PAK1: variants seen among roughly 807,000 people sequenced by gnomAD.
PAK1 encodes p21 (RAC1) activated kinase 1.
PAK1 carries 29 observed loss-of-function variants against 67.4 expected under a neutral mutation model. The ratio of observed to expected loss-of-function variants is 0.43; its 90% confidence interval spans 0.32 to 0.59. PAK1 has a LOEUF of 0.59. Ranked by LOEUF, PAK1 falls within the 20% of genes least tolerant of loss-of-function variation. The pLI is 0.07. For missense variants in PAK1, 337 were observed against 670.7 expected, an observed-to-expected ratio of 0.50 and a Z score of 5.50; for synonymous variants, 223 against 237.4, an observed-to-expected ratio of 0.94 and a Z score of 0.56.
In PAK1 at chr11:77,399,906, T is replaced by TATAAC. The variant is rs1248427131; in HGVS notation, c.-21-7370_-21-7366dup. Among the ~76,000 whole-genome samples the TATAAC allele has an allele frequency of 4.9e-5, 7 of 141,592 alleles. No homozygotes were observed. In the East Asian group the frequency reaches 1.5e-3, roughly 30 times the overall value. The allele number at this position is 141,592 out of a possible 152,430, so 92.9% of individuals were successfully genotyped here. On this transcript the variant is annotated intron_variant, in intron 1 of 14. Coordinates refer to ENST00000356341, the MANE Select transcript of PAK1 (RefSeq NM_002576.5). The stretch of plus-strand genomic sequence containing the variant: ...AAAAAAGAAATAAGATTAACAGGGT[T>TATAAC]ATAACATAATATACATGTCAATATA...
chr11:77,407,725 T>C (rs1047602313), intron 1 of PAK1, among the ~76,000 whole-genome samples: 1 of 152,064 alleles, frequency 6.6e-6, no homozygotes, highest in African/African-American at 2.4e-5. Flanking sequence ...CCGCCAGAAA[T>C]TGAATTTAAG....
intron 5 of PAK1, among the ~76,000 whole-genome samples, chr11:77,367,044 G>A (rs1203165770): frequency 6.6e-6 from 1 of 152,176 alleles, no homozygotes; most frequent in Non-Finnish European, 1.5e-5. Context: ...ACTGATACAT[G>A]TTACAACATA....
At chr11:77,326,590 T>C (rs1215549717) in intron 14 of PAK1, among the ~76,000 whole-genome samples, 1 of 151,942 alleles carries the variant, frequency 6.6e-6, no homozygotes, top group Non-Finnish European at 1.5e-5. Context: ...GAGGCTGAAG[T>C]GGGAAGATCA....
chr11:77,359,936 G>A (rs1474632909), intron 5 of PAK1, among the ~76,000 whole-genome samples: 1 of 152,064 alleles, frequency 6.6e-6, no homozygotes, highest in Admixed American at 6.6e-5. Flanking sequence ...AACAGTTTCA[G>A]GTATTTTCAG....
chr11:77,521,220 T>C, the PAK1 span, among the ~76,000 whole-genome samples: 1,010 of 152,098 alleles, frequency 6.6e-3, 19 homozygotes, highest in African/African-American at 0.023. Context: ...ACCCAAAGCT[T>C]GGAATTGAGT....
At chr11:77,462,832 CAAAA>C in intron 1 of PAK1, among the ~76,000 whole-genome samples, 1 of 93,632 alleles carries the variant, frequency 1.1e-5, no homozygotes, top group South Asian at 3.4e-4. Flanking sequence ...CCTCCATCTC[CAAAA>C]AAAAAAAAAA....
At chr11:77,427,050 A>G (rs989464488) in intron 1 of PAK1, among the ~76,000 whole-genome samples, 6 of 152,320 alleles carry the variant, frequency 3.9e-5, no homozygotes, top group South Asian at 2.1e-4. Context: ...ACAGACTCCT[A>G]TCTTTCTCTT....
intron 14 of PAK1, among the ~76,000 whole-genome samples, chr11:77,332,285 G>A (rs1941730731): frequency 9.8e-6 from 1 of 101,880 alleles, no homozygotes; most frequent in Non-Finnish European, 2.0e-5. Context: ...GCACACTCCT[G>A]CCTGGGTGAC....
intron 1 of PAK1, among the ~76,000 whole-genome samples, chr11:77,396,535 A>G (rs1592232454): frequency 2.0e-5 from 3 of 152,258 alleles, no homozygotes; most frequent in East Asian, 1.9e-4. Context: ...GGTAATCAAT[A>G]AAGATTTGTT....
intron 1 of PAK1, among the ~76,000 whole-genome samples, chr11:77,415,996 A>ATTAT (rs1954930635): frequency 6.6e-6 from 1 of 151,084 alleles, no homozygotes; most frequent in Admixed American, 6.6e-5. Context: ...TATTATTATT[A>ATTAT]GAGACAGAGT....
At chr11:77,397,859 G>T (rs1478244796) in intron 1 of PAK1, among the ~76,000 whole-genome samples, 2 of 152,130 alleles carry the variant, frequency 1.3e-5, no homozygotes, top group East Asian at 3.8e-4. Flanking sequence ...GAGTGCAAGA[G>T]GAAATTACCT....
chr11:77,479,602 C>CT (rs34649009), upstream of PAK1, among the ~76,000 whole-genome samples: 884 of 80,584 alleles, frequency 0.011, 9 homozygotes, highest in Non-Finnish European at 0.012. Flanking sequence ...GAAAAATAAA[C>CT]TTTTTTTTTT....
intron 1 of PAK1, among the ~76,000 whole-genome samples, chr11:77,426,137 C>A (rs1397652532): frequency 8.1e-6 from 1 of 123,014 alleles, no homozygotes; most frequent in Non-Finnish European, 1.6e-5. Flanking sequence ...TTGTTAAGAA[C>A]AAAAGGAGTC....
In PAK1 at chr11:77,349,089, C is replaced by G. The variant is rs550853136; in HGVS notation, c.885+150G>C. 9.4e-5 allele frequency: 56 copies of G among 598,686 alleles called. 1 individual carries two copies. The East Asian group carries it at 1.6e-3, about 17-fold the overall frequency. The allele number at this position is 598,686 out of a possible 1,614,324, so 37.1% of individuals were successfully genotyped here. A position where few individuals can be genotyped will look rare whatever the true frequency, so the allele number is the denominator to read the frequency against. On this transcript the variant is annotated intron_variant, in intron 9 of 14. Transcript: ENST00000356341. ...GCAGTGAGCAGAGATCACGCCACTG[C>G]ACTCCAGCCTGGATGACAGAGTGAG...
At chr11:77,505,780 T>C in the PAK1 span, among the ~76,000 whole-genome samples, 115 of 152,358 alleles carry the variant, frequency 7.5e-4, no homozygotes, top group African/African-American at 2.6e-3. Flanking sequence ...TGTATGTATA[T>C]GTCACATTTT....
chr11:77,460,910 T>TA (rs200411956), intron 1 of PAK1, among the ~76,000 whole-genome samples: 1,973 of 151,996 alleles, frequency 0.013, 16 homozygotes, highest in Non-Finnish European at 0.017. Context: ...AGAAGGAGAA[T>TA]AAGAGTAAAA....
chr11:77,517,814 G>C, the PAK1 span, among the ~76,000 whole-genome samples: 1 of 152,174 alleles, frequency 6.6e-6, no homozygotes, highest in Non-Finnish European at 1.5e-5. Flanking sequence ...GACAGTGACA[G>C]ATCATCAGGC....
chr11:77,465,259 G>A (rs545710088), intron 1 of PAK1, among the ~76,000 whole-genome samples: 22 of 152,270 alleles, frequency 1.4e-4, no homozygotes, highest in African/African-American at 4.6e-4. Context: ...CAGGTGACCA[G>A]ATTTGGAGAC....
chr11:77,323,244 T>A lies in PAK1; in HGVS notation c.*30A>T, dbSNP rs1938794907. 2.5e-6 allele frequency: 4 copies of A among 1,613,446 alleles called. No individual in the cohort carries two copies. The highest frequency in any genetic ancestry group is 3.3e-5 in the Admixed American group (2 of 59,970). ...ATGTGCATTTATCTCACAGAAGGCT[T>A]GGCACAATGAGGCTGGGGTGAGTGT... On this transcript the variant is annotated 3_prime_UTR_variant, in exon 15 of 15. Transcript: ENST00000356341.
Sources: gnomAD v4.1 joint callset for allele counts (sites outside exome capture counted in the v4.1 genomes callset) on GRCh38, gnomAD v4.1.1 for gene constraint, MANE v1.5 for transcripts, NCBI Gene and HGNC (gene_info 2026-07-23, HGNC 2026-07-21) for gene names.